Variants in KDM7A observed in about 807,000 individuals in gnomAD.
KDM7A encodes the protein lysine-specific demethylase 7A.
A neutral mutation model predicts 114.8 loss-of-function variants in KDM7A; 28 were observed. The ratio of observed to expected loss-of-function variants is 0.24; its 90% CI spans 0.18 to 0.33. The LOEUF (loss-of-function observed/expected upper bound fraction) is 0.33, where lower values mean the gene tolerates loss of function less well. Ranked by LOEUF, KDM7A falls within the 10% of genes least tolerant of loss-of-function variation. The pLI is 1.00. For missense variants in KDM7A, 942 were observed against 1,142.5 expected, an observed-to-expected ratio of 0.82 and a Z score of 2.53; for synonymous variants, 423 against 397.8, an observed-to-expected ratio of 1.06 and a Z score of -0.75.
At chr7:140,121,551 T>C (rs1004762656) in intron 7 of KDM7A, among the ~76,000 whole-genome samples, 8 of 152,176 alleles carry the variant, frequency 5.3e-5, no homozygotes, top group African/African-American at 1.9e-4. Context: ...TGGTTCTCAA[T>C]AGCGGCAGTA....
chr7:140,099,766 C>T (rs1818172580), intron 13 of KDM7A, 133 bp downstream of exon 13: 2 of 731,766 alleles, frequency 2.7e-6, no homozygotes, highest in African/African-American at 1.7e-5. Context: ...CAAAACCATT[C>T]CCTGGCTGAG....
chr7:140,129,844 T>A (rs764040452), intron 3 of KDM7A, among the ~76,000 whole-genome samples, 191 bp from the exon 4 acceptor site: 4 of 152,182 alleles, frequency 2.6e-5, no homozygotes, highest in Non-Finnish European at 4.4e-5. Flanking sequence ...AATTTATAGA[T>A]AATGTAATAT....
chr7:140,095,114 C>T (rs771128930), intron 17 of KDM7A, among the ~76,000 whole-genome samples: 34 of 152,204 alleles, frequency 2.2e-4, no homozygotes, highest in Non-Finnish European at 4.3e-4. Flanking sequence ...TCCCAAAGTG[C>T]TGGGATTACT....
In KDM7A at chr7:140,101,866, A is replaced by ATTT. The variant is rs570381170; in HGVS notation, c.1638+84_1638+85insAAA. On this transcript the variant is annotated intron_variant, in intron 12 of 19. Coordinates refer to ENST00000397560, the MANE Select transcript of KDM7A (RefSeq NM_030647.2). ...GCAGCCAAGATTAGATATCAACAAT[A>ATTT]GTCAAGACTATTCTCTTATTATCCC... 2,384 of 873,892 alleles carry ATTT rather than the reference A, an allele frequency of 2.7e-3. 9 individuals are homozygous for ATTT. The highest frequency in any genetic ancestry group is 2.8e-3 in the Non-Finnish European group (1,467 of 531,148). 54.1% of individuals were successfully genotyped at this position (873,892 alleles called of 1,614,324 possible). A position where few individuals can be genotyped will look rare whatever the true frequency, so the allele number is the denominator to read the frequency against.
chr7:140,153,346 C>T (rs1412031648), intron 1 of KDM7A, among the ~76,000 whole-genome samples: 5 of 151,684 alleles, frequency 3.3e-5, no homozygotes, highest in Non-Finnish European at 5.9e-5. Context: ...ACTAGCTGGG[C>T]GTGGTGGCAG....
intron 1 of KDM7A, among the ~76,000 whole-genome samples, chr7:140,175,376 A>G (rs538192666): frequency 6.6e-6 from 1 of 151,580 alleles, no homozygotes; most frequent in African/African-American, 2.4e-5. Flanking sequence ...GGAGGGGGGG[A>G]GCGGAGGCTG....
chr7:140,132,252 C>G (rs182924254), intron 3 of KDM7A, among the ~76,000 whole-genome samples: 27 of 152,278 alleles, frequency 1.8e-4, no homozygotes, highest in Admixed American at 1.4e-3. Context: ...CCCAAAGACC[C>G]TGAACTAATG....
intron 15 of KDM7A, 108 bp from the exon 16 acceptor site, chr7:140,097,155 AT>A (rs1370866553): frequency 1.3e-6 from 1 of 766,486 alleles, no homozygotes; most frequent in African/African-American, 1.8e-5. Context: ...AATCTTAATT[AT>A]CAGGGAATTA....
At chr7:140,107,249 T>C (rs570798269) in intron 11 of KDM7A, among the ~76,000 whole-genome samples, 5 of 152,346 alleles carry the variant, frequency 3.3e-5, no homozygotes, top group Non-Finnish European at 5.9e-5. Flanking sequence ...TGTCTTTTAA[T>C]TGGAGCATTT....
At chr7:140,146,170 A>T (rs771578734) in intron 1 of KDM7A, among the ~76,000 whole-genome samples, 41 of 152,228 alleles carry the variant, frequency 2.7e-4, no homozygotes, top group Non-Finnish European at 8.8e-5. Flanking sequence ...TAAAAACATG[A>T]AATCTGGTAA....
In KDM7A at chr7:140,084,783, G is replaced by A. The variant is rs768106006; in HGVS notation, c.*6311C>T. On this transcript the variant is annotated 3_prime_UTR_variant, in exon 20 of 20. Coordinates refer to ENST00000397560, the MANE Select transcript of KDM7A (RefSeq NM_030647.2). Reference sequence around the variant, plus strand: ...TTCAGATTCTTTTTCTTTCAAGGACGCATTTTATACAATTTTCAACATTTA... The same window carrying A: ...TTCAGATTCTTTTTCTTTCAAGGACACATTTTATACAATTTTCAACATTTA... 4.6e-5 allele frequency: 7 copies of A among 152,084 alleles called. No homozygotes were observed. Among genetic ancestry groups the A allele is most frequent in the East Asian group, 1.9e-4 (1 of 5,196 alleles). The allele number at this position is 152,084 out of a possible 1,614,324, so 9.4% of individuals were successfully genotyped here.
At chr7:140,105,763 G>A (rs190929066) in intron 11 of KDM7A, among the ~76,000 whole-genome samples, 59 of 152,172 alleles carry the variant, frequency 3.9e-4, no homozygotes, top group African/African-American at 1.2e-3. Context: ...TTTTTGTTGC[G>A]CCTCTGCCAG....
At chr7:140,144,710 T>TATAC (rs1554400028) in intron 1 of KDM7A, among the ~76,000 whole-genome samples, 120 of 146,322 alleles carry the variant, frequency 8.2e-4, no homozygotes, top group Non-Finnish European at 4.5e-5. Context: ...GTCCCCACCA[T>TATAC]ACACACACAC....
chr7:140,114,624 C>T (rs1164710695), intron 9 of KDM7A, among the ~76,000 whole-genome samples: 3 of 151,518 alleles, frequency 2.0e-5, no homozygotes, highest in South Asian at 2.1e-4. Context: ...TCTGACTGGC[C>T]GCCCATCATC....
At chr7:140,092,252 G>A in intron 18 of KDM7A, 175 bp from the exon 19 acceptor site, 1 of 623,430 alleles carries the variant, frequency 1.6e-6, no homozygotes, top group Non-Finnish European at 2.8e-6. Context: ...CAGTAGCTCT[G>A]AAGGACTCGG....
At chr7:140,119,552 T>C (rs759223461) in intron 8 of KDM7A, among the ~76,000 whole-genome samples, 2 of 152,238 alleles carry the variant, frequency 1.3e-5, no homozygotes, top group Admixed American at 1.3e-4. Flanking sequence ...AACACCTCTA[T>C]GTGTTAGACA....
intron 1 of KDM7A, among the ~76,000 whole-genome samples, chr7:140,151,510 G>C (rs1022318522): frequency 6.6e-6 from 1 of 152,140 alleles, no homozygotes; most frequent in Non-Finnish European, 1.5e-5. Flanking sequence ...AAATGAATGT[G>C]AGGGGGAAAG....
intron 12 of KDM7A, among the ~76,000 whole-genome samples, chr7:140,100,745 T>C (rs1195108965): frequency 4.0e-5 from 2 of 50,574 alleles, no homozygotes; most frequent in Non-Finnish European, 7.0e-5. Context: ...TATATATACA[T>C]ATATATTTTT....
intron 1 of KDM7A, among the ~76,000 whole-genome samples, chr7:140,173,540 C>G (rs1226825707): frequency 6.6e-6 from 1 of 152,036 alleles, no homozygotes; most frequent in Non-Finnish European, 1.5e-5. Context: ...TGCACTGATT[C>G]CTCAGTTTAA....
Sources: gnomAD v4.1 joint callset for allele counts (sites outside exome capture counted in the v4.1 genomes callset) on GRCh38, gnomAD v4.1.1 for gene constraint, MANE v1.5 for transcripts, NCBI Gene and HGNC (gene_info 2026-07-23, HGNC 2026-07-21) for gene names.